Variants in ASAP1 observed in about 807,000 individuals in gnomAD.
ASAP1 encodes ArfGAP with SH3 domain, ankyrin repeat and PH domain 1.
Under a neutral mutation model 145.2 loss-of-function variants are expected in ASAP1, and 43 were observed. That is an observed-to-expected ratio of 0.30 (90% CI 0.23 to 0.38). ASAP1 has a LOEUF of 0.38. Among genes scored for constraint, ASAP1 ranks in the 10% least tolerant of loss-of-function variants. The pLI, the probability that ASAP1 is intolerant of heterozygous loss-of-function variation, is 1.00. For synonymous variants in ASAP1, 546 were observed against 515.5 expected (o/e 1.06, Z -0.80); for missense variants, 1,018 against 1,355.3 (o/e 0.75, Z 3.91).
chr8:130,110,994 T>A (rs1233236738), intron 24 of ASAP1, among the ~76,000 whole-genome samples: 1 of 152,030 alleles, frequency 6.6e-6, no homozygotes, highest in Non-Finnish European at 1.5e-5. Flanking sequence ...TTATCCCTAC[T>A]GGCTGAGGCA....
At chr8:130,379,491 G>C (rs867313628) in intron 2 of ASAP1, among the ~76,000 whole-genome samples, 84 of 152,204 alleles carry the variant, frequency 5.5e-4, no homozygotes, top group African/African-American at 2.0e-3. Context: ...TCTGGGAATT[G>C]TGACTGGCAT....
At chr8:130,353,699 G>C (rs538365504) in intron 3 of ASAP1, among the ~76,000 whole-genome samples, 1 of 152,100 alleles carries the variant, frequency 6.6e-6, no homozygotes, top group African/African-American at 2.4e-5. Context: ...ATGAAACTGC[G>C]TCTCTATTAG....
At position 130,421,097 on chromosome 8, in the gene ASAP1, T is replaced by C. The variant is rs559531620; in HGVS notation, c.-27-19127A>G. On this transcript the variant is annotated intron_variant, in intron 1 of 29. Coordinates refer to ENST00000518721, the MANE Select transcript of ASAP1 (RefSeq NM_018482.4). ...TCCATCCCTTACTAGCTGTGTGACC[T>C]TGGGCAAATTACTTCAAGCTTGCTT... is the stretch of plus-strand genomic sequence containing the variant. Among the ~76,000 whole-genome samples the C allele has an allele frequency of 2.0e-5, 3 of 152,258 alleles. No homozygotes were observed. In the South Asian group the frequency reaches 6.2e-4, roughly 32 times the overall value.
intron 3 of ASAP1, among the ~76,000 whole-genome samples, chr8:130,281,332 A>T (rs1322966363): frequency 2.0e-5 from 3 of 152,226 alleles, no homozygotes; most frequent in Non-Finnish European, 2.9e-5. Context: ...AAGTTTTTAC[A>T]AATCTCTCTA....
At chr8:130,314,869 A>G (rs1823573923) in intron 3 of ASAP1, among the ~76,000 whole-genome samples, 1 of 152,234 alleles carries the variant, frequency 6.6e-6, no homozygotes, top group Non-Finnish European at 1.5e-5. Flanking sequence ...GTTCAGGCCA[A>G]TAATTAACAT....
chr8:130,123,344 A>G (rs2097569611), intron 18 of ASAP1, among the ~76,000 whole-genome samples: 1 of 152,070 alleles, frequency 6.6e-6, no homozygotes, highest in South Asian at 2.1e-4. Flanking sequence ...GTGGGTTTTT[A>G]AGCATTTGGA....
At chr8:130,067,967 C>G (rs2097433966) in intron 27 of ASAP1, among the ~76,000 whole-genome samples, 1 of 152,148 alleles carries the variant, frequency 6.6e-6, no homozygotes, top group Non-Finnish European at 1.5e-5. Context: ...TGGAACAGCT[C>G]TGACTCACAG....
intron 24 of ASAP1, among the ~76,000 whole-genome samples, chr8:130,109,367 C>T (rs1318574056): frequency 2.6e-5 from 4 of 152,208 alleles, no homozygotes; most frequent in African/African-American, 7.2e-5. Context: ...CCTTGAATTT[C>T]GATGAGGCAG....
chr8:130,151,357 C>T (rs899340711), intron 13 of ASAP1, among the ~76,000 whole-genome samples: 5 of 101,498 alleles, frequency 4.9e-5, no homozygotes, highest in South Asian at 3.2e-4. Context: ...GGTGAAAGAG[C>T]GAGACTCAGT....
chr8:130,272,106 G>C (rs1270459979), intron 3 of ASAP1, among the ~76,000 whole-genome samples: 2 of 152,160 alleles, frequency 1.3e-5, no homozygotes, highest in Non-Finnish European at 2.9e-5. Context: ...TCAGGCTGCA[G>C]TGAGGTGTGA....
chr8:130,120,356 C>G (rs1290790371), intron 18 of ASAP1, among the ~76,000 whole-genome samples: 1 of 152,244 alleles, frequency 6.6e-6, no homozygotes, highest in Non-Finnish European at 1.5e-5. Context: ...CGATTCAAGT[C>G]TGAGACCACG....
chr8:130,106,834 G>A (rs1047383958), intron 24 of ASAP1, among the ~76,000 whole-genome samples: 2 of 152,134 alleles, frequency 1.3e-5, no homozygotes, highest in Non-Finnish European at 2.9e-5. Context: ...TGCTCCTCCA[G>A]GAATACTCCC....
chr8:130,224,760 G>T (rs1586630722), intron 4 of ASAP1, among the ~76,000 whole-genome samples: 1 of 152,144 alleles, frequency 6.6e-6, no homozygotes, highest in Non-Finnish European at 1.5e-5. Flanking sequence ...TGCAGCTTTT[G>T]CCATCAAAAC....
intron 27 of ASAP1, among the ~76,000 whole-genome samples, chr8:130,073,642 G>A (rs1397499462): frequency 1.3e-5 from 2 of 152,158 alleles, no homozygotes; most frequent in Non-Finnish European, 2.9e-5. Context: ...AGGCAGGGGA[G>A]AAGCAGTGAC....
At chr8:130,383,510 C>T (rs1159956296) in intron 2 of ASAP1, among the ~76,000 whole-genome samples, 1 of 152,152 alleles carries the variant, frequency 6.6e-6, no homozygotes. Flanking sequence ...ATATACCATG[C>T]ACCAGGTACA....
intron 29 of ASAP1, among the ~76,000 whole-genome samples, chr8:130,056,742 G>A (rs569482588): frequency 1.3e-5 from 2 of 152,326 alleles, no homozygotes; most frequent in Admixed American, 1.3e-4. Flanking sequence ...TCAACTGCGA[G>A]CCTCAGGTCC....
chr8:130,188,313 A>C, intron 5 of ASAP1, 130 bp from the exon 6 acceptor site: 13 of 712,834 alleles, frequency 1.8e-5, no homozygotes, highest in East Asian at 2.6e-5. Flanking sequence ...GCATTATTTC[A>C]TTGAACCTAC....
chr8:130,361,817 T>C, intron 2 of ASAP1: 2 of 1,379,304 alleles, frequency 1.5e-6, no homozygotes, highest in Non-Finnish European at 2.0e-6. Flanking sequence ...AAATGCTGGA[T>C]TTCTTTGTGT....
At chr8:130,351,660 A>G (rs942478663) in intron 3 of ASAP1, among the ~76,000 whole-genome samples, 1 of 152,154 alleles carries the variant, frequency 6.6e-6, no homozygotes, top group African/African-American at 2.4e-5. Context: ...AGAAAAGTGG[A>G]GACCCAAACT....
Sources: gnomAD v4.1 joint callset for allele counts (sites outside exome capture counted in the v4.1 genomes callset) on GRCh38, gnomAD v4.1.1 for gene constraint, MANE v1.5 for transcripts, NCBI Gene and HGNC (gene_info 2026-07-23, HGNC 2026-07-21) for gene names.